The following AFAP1L2 variants were observed in gnomAD, a reference collection of about 807,000 sequenced individuals.
The protein encoded by AFAP1L2 is actin filament-associated protein 1-like 2.
AFAP1L2 carries 46 observed loss-of-function variants against 99.3 expected under a neutral mutation model. That is an observed-to-expected ratio of 0.46 (90% CI 0.37 to 0.59). The LOEUF (loss-of-function observed/expected upper bound fraction) is 0.59. AFAP1L2 is among the 20% of genes least tolerant of loss of function. The probability of loss-of-function intolerance (pLI) is 0.00; values close to 1 mark genes in which losing one functional copy is unlikely to be tolerated. For synonymous variants in AFAP1L2, 397 were observed against 419.1 expected (o/e 0.95, Z 0.64); for missense variants, 959 against 1,034.9 (o/e 0.93, Z 1.01).
At chr10:114,331,656 C>A (rs1025111345) in intron 4 of AFAP1L2, 147 bp downstream of exon 4, 7 of 492,722 alleles carry the variant, frequency 1.4e-5, no homozygotes, top group African/African-American at 2.0e-5. Context: ...TACTTTTGCT[C>A]TGTCCCTACA....
intron 1 of AFAP1L2, among the ~76,000 whole-genome samples, chr10:114,367,750 G>C (rs774615393): frequency 6.6e-6 from 1 of 152,180 alleles, no homozygotes; most frequent in Non-Finnish European, 1.5e-5. Context: ...GGGTGGAAGA[G>C]AGACTGCTCC....
intron 1 of AFAP1L2, among the ~76,000 whole-genome samples, chr10:114,341,619 A>AG (rs1285748875): frequency 1.3e-5 from 2 of 150,954 alleles, no homozygotes; most frequent in Admixed American, 6.6e-5. Flanking sequence ...CTCAAAAAAA[A>AG]AAAAGAAAAG....
rs143167556 is a variant in AFAP1L2 at position 114,333,371 on chromosome 10, C to A, written c.146-76G>T. On this transcript the variant is annotated intron_variant, in intron 2 of 18. Transcript: ENST00000304129. The stretch of plus-strand genomic sequence containing the variant: ...GCCTCCAGCTAGAAACCCTGTTACT[C>A]CAGAGCTGTTTTCATCTGCCTAGGT... 5.8e-4 allele frequency: 694 copies of A among 1,199,914 alleles called. 7 individuals carry two copies. In the East Asian group the frequency reaches 0.015, roughly 25 times the overall value. The allele number at this position is 1,199,914 out of a possible 1,614,324, so 74.3% of individuals were successfully genotyped here. A position where few individuals can be genotyped will look rare whatever the true frequency, so the allele number is the denominator to read the frequency against.
intron 4 of AFAP1L2, among the ~76,000 whole-genome samples, chr10:114,328,609 T>C (rs771796678): frequency 1.3e-5 from 2 of 152,112 alleles, no homozygotes; most frequent in Non-Finnish European, 2.9e-5. Flanking sequence ...GAGAAACAGA[T>C]GTTTGTTGGC....
intron 1 of AFAP1L2, among the ~76,000 whole-genome samples, chr10:114,350,265 A>G (rs2050260192): frequency 6.6e-6 from 1 of 152,204 alleles, no homozygotes; most frequent in South Asian, 2.1e-4. Context: ...ACTGCCCAGA[A>G]GCACTACCTG....
At chr10:114,283,730 C>T in the AFAP1L2 span, among the ~76,000 whole-genome samples, 2 of 152,252 alleles carry the variant, frequency 1.3e-5, no homozygotes, top group Non-Finnish European at 2.9e-5. Flanking sequence ...GTGCTTAGCA[C>T]AGTCCCTGGC....
At chr10:114,347,057 T>C (rs1207249367) in intron 1 of AFAP1L2, among the ~76,000 whole-genome samples, 2 of 152,244 alleles carry the variant, frequency 1.3e-5, no homozygotes, top group Non-Finnish European at 2.9e-5. Context: ...AGATGGAGCA[T>C]GATTTTCCTT....
At position 114,297,049 on chromosome 10, in the gene AFAP1L2, C is replaced by T; in HGVS notation, c.2359G>A (p.Ala787Thr). The T allele has an allele frequency of 3.7e-6, 6 of 1,614,150 alleles. No homozygotes were observed. Among genetic ancestry groups the T allele is most frequent in the Non-Finnish European group, 5.1e-6 (6 of 1,180,030 alleles). Residue 787 changes from alanine to threonine, a missense_variant, in exon 18 of 19, where the codon GCA becomes ACA. Around this residue, in one of 2 missense-constraint regions of AFAP1L2, gnomAD observed 576 missense variants for 562.1 expected, o/e 1.02. Transcript: ENST00000304129. ...SAPDCTPVNS[A>T]TTLKNRPLSV... ...AGAGGCCTGTTCTTGAGTGTGGTTG[C>T]AGAGTTGACTGGGGTACAGTCTGGG...
intron 1 of AFAP1L2, among the ~76,000 whole-genome samples, chr10:114,359,261 C>T (rs891418972): frequency 6.6e-6 from 1 of 152,174 alleles, no homozygotes; most frequent in Non-Finnish European, 1.5e-5. Flanking sequence ...CATGGGTGGC[C>T]AAACTGCAAA....
At chr10:114,304,671 CA>C in intron 11 of AFAP1L2, 47 bp downstream of exon 11, 3 of 1,500,816 alleles carry the variant, frequency 2.0e-6, no homozygotes, top group Non-Finnish European at 2.7e-6. Flanking sequence ...AAACAGCCAC[CA>C]CCGCCACACC....
chr10:114,345,697 C>T (rs888899638), intron 1 of AFAP1L2, among the ~76,000 whole-genome samples: 3 of 152,240 alleles, frequency 2.0e-5, no homozygotes, highest in Admixed American at 6.5e-5. Context: ...GCCATCCATC[C>T]GTTGGCTGTA....
intron 12 of AFAP1L2, 141 bp downstream of exon 12, chr10:114,302,198 C>T: frequency 1.6e-6 from 2 of 1,289,014 alleles, no homozygotes; most frequent in Non-Finnish European, 2.2e-6. Context: ...GAGGGCTACT[C>T]CTTGGCTTCA....
intron 1 of AFAP1L2, among the ~76,000 whole-genome samples, chr10:114,399,555 C>T (rs1227088533): frequency 6.6e-6 from 1 of 152,170 alleles, no homozygotes; most frequent in East Asian, 1.9e-4. Context: ...ACTGTCTGGA[C>T]TGTTGCTTAA....
chr10:114,356,424 AT>A (rs1258226553), intron 1 of AFAP1L2, among the ~76,000 whole-genome samples: 1 of 152,224 alleles, frequency 6.6e-6, no homozygotes, highest in Non-Finnish European at 1.5e-5. Context: ...TAAAATAAAC[AT>A]TTTTAAAATA....
At position 114,340,694 on chromosome 10, in the gene AFAP1L2, G is replaced by A. The variant is rs758599146; in HGVS notation, c.54C>T (p.Leu18=). ...EQLLTELDDF[L]KILDQENLSS... is the part of the protein sequence containing the mutation. ...TCAGGTTCTCCTGGTCAAGAATCTT[G>A]AGGAAGTCATCCAACTCTGTCAGCA... is the stretch of plus-strand genomic sequence containing the variant. Residue 18 remains leucine (L), a synonymous_variant, in exon 2 of 19, where the codon CTC becomes CTT. Coordinates refer to ENST00000304129, the MANE Select transcript of AFAP1L2 (RefSeq NM_001001936.3). 15 of 1,614,098 alleles carry A rather than the reference G, an allele frequency of 9.3e-6. No homozygotes were observed. Among genetic ancestry groups the A allele is most frequent in the Non-Finnish European group, 4.2e-6 (5 of 1,180,040 alleles).
chr10:114,388,534 G>A (rs1028622028), intron 1 of AFAP1L2, among the ~76,000 whole-genome samples: 2 of 152,106 alleles, frequency 1.3e-5, no homozygotes, highest in African/African-American at 2.4e-5. Flanking sequence ...GTTTTAGAAC[G>A]GTGCTTGCAT....
chr10:114,371,129 C>T (rs1379533294), intron 1 of AFAP1L2, among the ~76,000 whole-genome samples: 3 of 152,186 alleles, frequency 2.0e-5, no homozygotes, highest in Non-Finnish European at 2.9e-5. Flanking sequence ...AGTGCCTGGC[C>T]GCTGGCTGGC....
At chr10:114,376,472 T>C (rs1332220105) in intron 1 of AFAP1L2, among the ~76,000 whole-genome samples, 2 of 152,206 alleles carry the variant, frequency 1.3e-5, no homozygotes, top group Non-Finnish European at 2.9e-5. Context: ...ACAGTCTAGA[T>C]TGGATCCTAT....
chr10:114,364,323 T>C (rs1054677972), intron 1 of AFAP1L2, among the ~76,000 whole-genome samples: 9 of 152,130 alleles, frequency 5.9e-5, no homozygotes, highest in African/African-American at 1.4e-4. Flanking sequence ...AAACAACAGA[T>C]GTTTATTCTC....
Sources: gnomAD v4.1 joint callset for allele counts (sites outside exome capture counted in the v4.1 genomes callset) on GRCh38, gnomAD v4.1.1 for gene constraint, gnomAD v4.1.1 regional missense constraint, MANE v1.5 for transcripts, NCBI Gene and HGNC (gene_info 2026-07-23, HGNC 2026-07-21) for gene names.